The following TMC2 variants were observed in gnomAD, a reference collection of about 807,000 sequenced individuals.
TMC2 encodes the protein transmembrane channel-like protein 2.
TMC2 carries 102 observed loss-of-function variants against 105.9 expected under a neutral mutation model. The ratio of observed to expected loss-of-function variants is 0.96; its 90% CI spans 0.82 to 1.14. TMC2 has a LOEUF of 1.14. TMC2 is among the 50% of genes most tolerant of loss of function. TMC2 has a pLI of 0.00. For synonymous variants in TMC2, 402 were observed against 422.8 expected, an observed-to-expected ratio of 0.95 and a Z score of 0.60; for missense variants, 1,093 against 1,134.3, an observed-to-expected ratio of 0.96 and a Z score of 0.52.
chr20:2,584,167 G>A (rs1402365889), intron 7 of TMC2, among the ~76,000 whole-genome samples: 4 of 152,090 alleles, frequency 2.6e-5, no homozygotes, highest in Non-Finnish European at 4.4e-5. Context: ...TAATGAGGCC[G>A]GGCGCGGTGG....
intron 10 of TMC2, among the ~76,000 whole-genome samples, chr20:2,600,057 G>A (rs1267445796): frequency 6.6e-6 from 1 of 152,184 alleles, no homozygotes; most frequent in African/African-American, 2.4e-5. Flanking sequence ...ACAGCAATGG[G>A]GGGCTTATGG....
At chr20:2,611,884 G>GTGT (rs1568524078) in intron 12 of TMC2, among the ~76,000 whole-genome samples, 1 of 140,046 alleles carries the variant, frequency 7.1e-6, no homozygotes, top group African/African-American at 2.7e-5. Flanking sequence ...GTGGGTGGGT[G>GTGT]GGTGGATGGA....
At chr20:2,536,801 C>T (rs750646096) in intron 1 of TMC2, 146 bp downstream of exon 1, 43 of 822,912 alleles carry the variant, frequency 5.2e-5, no homozygotes, top group Non-Finnish European at 8.1e-5. Context: ...TGAGCGACCT[C>T]GGCTGGTTAT....
At chr20:2,564,966 G>C (rs1334038244) in intron 4 of TMC2, among the ~76,000 whole-genome samples, 1 of 152,184 alleles carries the variant, frequency 6.6e-6, no homozygotes, top group East Asian at 1.9e-4. Flanking sequence ...TAGAAGATCT[G>C]TGCTTTCTGC....
intron 14 of TMC2, among the ~76,000 whole-genome samples, chr20:2,615,349 G>C (rs982473367): frequency 6.6e-6 from 1 of 152,166 alleles, no homozygotes; most frequent in Non-Finnish European, 1.5e-5. Context: ...ACTTCACCCC[G>C]TGGACTTAAT....
intron 5 of TMC2, among the ~76,000 whole-genome samples, chr20:2,572,578 G>C (rs1028698650): frequency 5.9e-5 from 9 of 152,170 alleles, no homozygotes; most frequent in African/African-American, 1.9e-4. Context: ...ATCAGGACAG[G>C]TTGAGTTGGT....
chr20:2,612,256 T>C lies in TMC2; in HGVS notation c.1659T>C (p.Ser553=), dbSNP rs755370574. Residue 553 remains serine (S), a synonymous_variant, in exon 13 of 20, where the codon TCT becomes TCC. Coordinates refer to ENST00000358864, the MANE Select transcript of TMC2 (RefSeq NM_080751.3). ...HWTLFNYYNS[S]GWNESVPRPP... ...CTCTGTTTAACTATTACAACTCTTC[T>C]GGTTGGAACGAGAGTGTCCCCCGAC... 12 of 1,612,842 alleles carry C rather than the reference T, an allele frequency of 7.4e-6. No homozygotes were observed. Among genetic ancestry groups the C allele is most frequent in the Non-Finnish European group, 1.7e-6 (2 of 1,179,396 alleles).
chr20:2,609,013 C>T (rs1206128489), intron 11 of TMC2, among the ~76,000 whole-genome samples: 1 of 152,166 alleles, frequency 6.6e-6, no homozygotes, highest in African/African-American at 2.4e-5. Flanking sequence ...TACAATAGAC[C>T]TCTATGCCTA....
chr20:2,631,544 G>A (rs1027567627), intron 17 of TMC2, among the ~76,000 whole-genome samples: 1 of 152,102 alleles, frequency 6.6e-6, no homozygotes. Context: ...TAGAATTTTT[G>A]GTTGATAGTC....
chr20:2,641,401 CCA>C lies in TMC2; in HGVS notation c.*51_*52del, dbSNP rs2086688547. ...ACCCTAGGGCTGATCCTCAAGTACC[CCA>C]GTTTCACACATACCAAACCAAGGTT... On this transcript the variant is annotated 3_prime_UTR_variant, in exon 20 of 20. Coordinates refer to ENST00000358864, the MANE Select transcript of TMC2 (RefSeq NM_080751.3). 3.2e-6 allele frequency: 4 copies of C among 1,232,538 alleles called. No individual in the cohort carries two copies. Among genetic ancestry groups the C allele is most frequent in the African/African-American group, 1.5e-5 (1 of 67,058 alleles). 76.4% of individuals were successfully genotyped at this position (1,232,538 alleles called of 1,614,324 possible).
chr20:2,622,920 C>G lies in TMC2; in HGVS notation c.2181-1351C>G, dbSNP rs73894845. Among the ~76,000 whole-genome samples the G allele has an allele frequency of 1.5e-3, 233 of 152,026 alleles. 2 individuals are homozygous for G. The highest frequency in any genetic ancestry group is 6.8e-3 in the Middle Eastern group (2 of 292). ...AAATACAATTATTATACTTAAAATA[C>G]CATATTATACTATAGTATTATTATA... On this transcript the variant is annotated intron_variant, in intron 16 of 19. Transcript: ENST00000358864.
chr20:2,577,864 C>T (rs1263561426), intron 5 of TMC2, among the ~76,000 whole-genome samples: 1 of 152,070 alleles, frequency 6.6e-6, no homozygotes, highest in Non-Finnish European at 1.5e-5. Context: ...CACCTGCACT[C>T]GGCCTGGGCA....
chr20:2,551,997 G>T (rs8126057), intron 2 of TMC2, among the ~76,000 whole-genome samples: 1 of 151,862 alleles, frequency 6.6e-6, no homozygotes, highest in Admixed American at 6.6e-5. Context: ...AGTAGCTCAC[G>T]CCTATAATCC....
intron 11 of TMC2, among the ~76,000 whole-genome samples, chr20:2,606,531 A>G (rs2086393180): frequency 6.6e-6 from 1 of 152,226 alleles, no homozygotes; most frequent in South Asian, 2.1e-4. Context: ...AAGTGCTGGG[A>G]TTACAAGTGT....
intron 2 of TMC2, among the ~76,000 whole-genome samples, chr20:2,544,627 G>T (rs751244790): frequency 6.6e-6 from 1 of 152,156 alleles, no homozygotes; most frequent in Non-Finnish European, 1.5e-5. Context: ...AGGCAGTTCT[G>T]TTCTGGACCA....
chr20:2,575,860 GT>G (rs2086140802), intron 5 of TMC2, among the ~76,000 whole-genome samples: 3 of 151,790 alleles, frequency 2.0e-5, no homozygotes, highest in South Asian at 2.1e-4. Flanking sequence ...TTTGTCTAAT[GT>G]TTTTTTCATT....
rs376244234 is a variant in TMC2 at position 2,618,671 on chromosome 20, G to T, written c.2180+1360G>T. 3.9e-4 allele frequency among the ~76,000 whole-genome samples: 59 copies of T among 152,326 alleles called. No individual in the cohort carries two copies. The South Asian group carries it at 0.011, about 29-fold the overall frequency. On this transcript the variant is annotated intron_variant, in intron 16 of 19. Coordinates refer to ENST00000358864, the MANE Select transcript of TMC2 (RefSeq NM_080751.3). ...ATAATTATGTAAGGAGGTAGATCAA[G>T]AGATAATGTGCATCTACTGTTCTCT...
chr20:2,629,230 T>A (rs1016778987), intron 17 of TMC2, among the ~76,000 whole-genome samples: 1 of 152,242 alleles, frequency 6.6e-6, no homozygotes, highest in Non-Finnish European at 1.5e-5. Context: ...ATATTTTATT[T>A]AATTCTTAGA....
chr20:2,623,552 CAGAG>C (rs1206773580), intron 16 of TMC2, among the ~76,000 whole-genome samples: 14 of 150,018 alleles, frequency 9.3e-5, no homozygotes, highest in Non-Finnish European at 1.5e-4. Context: ...AAAAAAAAGA[CAGAG>C]AGAGAGAGAA....
Sources: allele counts gnomAD v4.1 joint callset (sites outside exome capture counted in the v4.1 genomes callset), GRCh38; gene constraint gnomAD v4.1.1; transcripts MANE v1.5; gene names NCBI Gene and HGNC (gene_info 2026-07-23, HGNC 2026-07-21).